The following AKAP19 variants were observed in gnomAD, a reference collection of about 807,000 sequenced individuals.
AKAP19 encodes A-kinase anchoring protein 19.
chr2:190,103,681 T>A, the AKAP19 span, among the ~76,000 whole-genome samples: 1 of 152,076 alleles, frequency 6.6e-6, no homozygotes, highest in African/African-American at 2.4e-5. Context: ...ATGAAAGAAA[T>A]CATAGATGAC....
At chr2:190,042,640 G>A in the AKAP19 span, among the ~76,000 whole-genome samples, 1 of 152,068 alleles carries the variant, frequency 6.6e-6, no homozygotes, top group South Asian at 2.1e-4. Context: ...ACTTTTTGAT[G>A]TGGGCTTTTA....
the AKAP19 span, among the ~76,000 whole-genome samples, chr2:190,157,627 CTA>C: frequency 6.6e-6 from 1 of 152,060 alleles, no homozygotes; most frequent in Admixed American, 6.5e-5. Context: ...AATTACTTAA[CTA>C]TTTTTTTAAA....
the AKAP19 span, among the ~76,000 whole-genome samples, chr2:190,146,831 A>G: frequency 6.6e-6 from 1 of 152,076 alleles, no homozygotes; most frequent in African/African-American, 2.4e-5. Context: ...TCCTTAGCCC[A>G]CTTATTGATG....
the AKAP19 span, among the ~76,000 whole-genome samples, chr2:189,944,942 T>C: frequency 1.4e-4 from 21 of 152,058 alleles, no homozygotes; most frequent in Non-Finnish European, 1.0e-4. Flanking sequence ...AAAAAATGAA[T>C]GTTAGAAAGT....
chr2:190,108,149 A>G, the AKAP19 span, among the ~76,000 whole-genome samples: 1 of 151,786 alleles, frequency 6.6e-6, no homozygotes, highest in African/African-American at 2.4e-5. Flanking sequence ...TTGTAAAAAA[A>G]TTCTGGTTTG....
chr2:190,072,387 C>A, the AKAP19 span, among the ~76,000 whole-genome samples: 3 of 151,980 alleles, frequency 2.0e-5, no homozygotes, highest in Non-Finnish European at 4.4e-5. Flanking sequence ...AGGTAACAAA[C>A]CTGCACCCCC....
At chr2:190,185,568 A>G in the AKAP19 span, among the ~76,000 whole-genome samples, 1 of 152,180 alleles carries the variant, frequency 6.6e-6, no homozygotes, top group Admixed American at 6.5e-5. Context: ...CATGGCCATA[A>G]ATAGGAGTGG....
the AKAP19 span, among the ~76,000 whole-genome samples, chr2:190,068,370 C>T: frequency 6.6e-6 from 1 of 152,148 alleles, no homozygotes; most frequent in Non-Finnish European, 1.5e-5. Context: ...CACTCTGTCA[C>T]CCAGGCTGCA....
the AKAP19 span, among the ~76,000 whole-genome samples, chr2:189,995,185 T>C: frequency 6.6e-6 from 1 of 152,244 alleles, no homozygotes; most frequent in African/African-American, 2.4e-5. Context: ...TTTGTTGACT[T>C]CTGTCTTGAT....
the AKAP19 span, among the ~76,000 whole-genome samples, chr2:190,013,803 CCACCA>C: frequency 1.3e-5 from 2 of 152,152 alleles, no homozygotes; most frequent in African/African-American, 4.8e-5. Context: ...CTGGTGTGAG[CCACCA>C]CACCTGGACT....
At chr2:190,113,063 A>G in the AKAP19 span, among the ~76,000 whole-genome samples, 1 of 151,338 alleles carries the variant, frequency 6.6e-6, no homozygotes, top group Non-Finnish European at 1.5e-5. Context: ...TGTTTCATCA[A>G]TTTTTTTTTC....
the AKAP19 span, among the ~76,000 whole-genome samples, chr2:189,972,395 T>C: frequency 6.6e-6 from 1 of 152,228 alleles, no homozygotes; most frequent in Non-Finnish European, 1.5e-5. Flanking sequence ...TCTTGTAGTA[T>C]AGTTTGAAGT....
chr2:190,030,281 A>G, the AKAP19 span, among the ~76,000 whole-genome samples: 3 of 152,194 alleles, frequency 2.0e-5, no homozygotes, highest in Non-Finnish European at 2.9e-5. Context: ...GAAATCTACA[A>G]TTGTATTATC....
chr2:190,089,876 A>G, the AKAP19 span, among the ~76,000 whole-genome samples: 1 of 152,158 alleles, frequency 6.6e-6, no homozygotes. Context: ...GTCTGCCCCA[A>G]ATGCCCTCCA....
chr2:189,881,511 G>A, the AKAP19 span, among the ~76,000 whole-genome samples: 3 of 152,124 alleles, frequency 2.0e-5, no homozygotes, highest in African/African-American at 7.2e-5. Context: ...GAACAATCCT[G>A]GAAAATCTAT....
the AKAP19 span, among the ~76,000 whole-genome samples, chr2:189,996,803 C>G: frequency 6.6e-6 from 1 of 152,204 alleles, no homozygotes; most frequent in Non-Finnish European, 1.5e-5. Context: ...TTGTTATGCA[C>G]TCTGCCTTCC....
chr2:189,981,908 G>A, the AKAP19 span, among the ~76,000 whole-genome samples: 8 of 152,016 alleles, frequency 5.3e-5, no homozygotes, highest in African/African-American at 1.9e-4. Flanking sequence ...AGGTAATTTG[G>A]CTCTTTTCCT....
At chr2:189,976,764 G>A in the AKAP19 span, among the ~76,000 whole-genome samples, 33 of 152,326 alleles carry the variant, frequency 2.2e-4, 1 homozygote, top group South Asian at 4.1e-3. Context: ...GTGGGCTTCG[G>A]ACACTCTGAG....
At chr2:189,957,223 C>T in the AKAP19 span, among the ~76,000 whole-genome samples, 1 of 152,114 alleles carries the variant, frequency 6.6e-6, no homozygotes, top group Non-Finnish European at 1.5e-5. Flanking sequence ...ATATAAGGTT[C>T]AGATGTTATA....
Sources: gnomAD v4.1 joint callset for allele counts (sites outside exome capture counted in the v4.1 genomes callset) on GRCh38, gnomAD v4.1.1 for gene constraint, MANE v1.5 for transcripts, NCBI Gene and HGNC (gene_info 2026-07-23, HGNC 2026-07-21) for gene names.